The following TENM2 variants were observed in gnomAD, a reference collection of about 807,000 sequenced individuals.
TENM2 encodes the protein teneurin transmembrane protein 2.
TENM2 carries 52 observed loss-of-function variants against 245.2 expected under a neutral mutation model. The observed-to-expected ratio is 0.21, with a 90% CI of 0.17 to 0.27. TENM2 has a LOEUF of 0.27. Ranked by LOEUF, TENM2 falls within the 10% of genes least tolerant of loss-of-function variation. The pLI is 1.00. For missense variants in TENM2, 3,046 were observed against 3,666.8 expected, an observed-to-expected ratio of 0.83 and a Z score of 4.37; for synonymous variants, 1,363 against 1,438.9, an observed-to-expected ratio of 0.95 and a Z score of 1.19.
At chr5:167,943,258 T>G (rs9647570) in intron 3 of TENM2, among the ~76,000 whole-genome samples, 21,006 of 152,206 alleles carry the variant, frequency 0.14, 2,417 homozygotes, top group East Asian at 0.55. Context: ...CTTCGGCCAC[T>G]CTTGGTATTA....
chr5:167,288,558 CAAAAA>C (rs58929279), intron 1 of TENM2, among the ~76,000 whole-genome samples: 1 of 93,680 alleles, frequency 1.1e-5, no homozygotes, highest in Non-Finnish European at 2.5e-5. Context: ...GACTCCGTCT[CAAAAA>C]AAAAAAAAAA....
intron 19 of TENM2, among the ~76,000 whole-genome samples, chr5:168,210,535 C>T (rs917075335): frequency 1.3e-5 from 2 of 151,916 alleles, no homozygotes; most frequent in Non-Finnish European, 2.9e-5. Flanking sequence ...CACCCTGACA[C>T]ACCAGGCTTT....
At chr5:167,238,901 A>G in the TENM2 span, among the ~76,000 whole-genome samples, 2 of 152,206 alleles carry the variant, frequency 1.3e-5, no homozygotes, top group Non-Finnish European at 2.9e-5. Context: ...CTATTTGCTT[A>G]TGAACAGATA....
chr5:167,984,762 T>A (rs902860226), intron 4 of TENM2, among the ~76,000 whole-genome samples: 1 of 152,212 alleles, frequency 6.6e-6, no homozygotes, highest in Non-Finnish European at 1.5e-5. Context: ...GTTTTGCTAC[T>A]CAAGTAGGGC....
At chr5:167,797,181 C>T (rs1765385232) in intron 2 of TENM2, among the ~76,000 whole-genome samples, 1 of 152,170 alleles carries the variant, frequency 6.6e-6, no homozygotes, top group African/African-American at 2.4e-5. Context: ...GAAATATGCA[C>T]TCAATGTTGT....
the TENM2 span, among the ~76,000 whole-genome samples, chr5:167,159,093 T>C: frequency 6.6e-6 from 1 of 151,566 alleles, no homozygotes; most frequent in Non-Finnish European, 1.5e-5. Context: ...GCTGGGATTA[T>C]AGGCAAGCAT....
intron 2 of TENM2, among the ~76,000 whole-genome samples, chr5:167,484,085 G>A (rs559537357): frequency 1.1e-4 from 16 of 152,130 alleles, no homozygotes; most frequent in East Asian, 1.9e-4. Context: ...GGTGGCTCAC[G>A]CCTGTAATCC....
chr5:168,003,073 A>G (rs1446471402), intron 5 of TENM2, among the ~76,000 whole-genome samples: 1 of 152,140 alleles, frequency 6.6e-6, no homozygotes, highest in Non-Finnish European at 1.5e-5. Context: ...TCTGAGTTTC[A>G]TTTTCCCAGG....
At chr5:168,118,426 T>A in exon 10 of TENM2, 1 of 1,610,304 alleles carries the variant, frequency 6.2e-7, no homozygotes, top group Non-Finnish European at 8.5e-7. Context: ...GGGCCACGGC[T>A]CCTGCATTGA....
intron 1 of TENM2, among the ~76,000 whole-genome samples, chr5:167,321,260 A>G (rs2127770874): frequency 6.6e-6 from 1 of 152,182 alleles, no homozygotes. Context: ...TGGCCTGTGT[A>G]TGAAAATAGA....
rs141647180 is a variant in TENM2 at position 167,786,195 on chromosome 5, C to T, written c.503-89791C>T. 2.4e-3 allele frequency among the ~76,000 whole-genome samples: 372 copies of T among 152,278 alleles called. 1 individual carries two copies. Among genetic ancestry groups the T allele is most frequent in the African/African-American group, 8.5e-3 (354 of 41,540 alleles). On this transcript the variant is annotated intron_variant, in intron 2 of 28. Transcript: ENST00000518659. ...AGCCTCTAATGCCTCAGGTACCAAG[C>T]CTCTGCAGAATGCTATTGTTTACAC...
chr5:167,487,836 C>T (rs900676806), intron 2 of TENM2, among the ~76,000 whole-genome samples: 6 of 152,080 alleles, frequency 3.9e-5, no homozygotes, highest in African/African-American at 1.4e-4. Flanking sequence ...CAATCTTTTT[C>T]TTTCTGTATT....
At chr5:167,923,166 A>G (rs926829376) in intron 3 of TENM2, among the ~76,000 whole-genome samples, 6 of 152,150 alleles carry the variant, frequency 3.9e-5, no homozygotes, top group Middle Eastern at 3.2e-3. Flanking sequence ...TCTACTAAAA[A>G]TACAAAAAAT....
chr5:168,107,201 G>A (rs1188726224), intron 9 of TENM2, among the ~76,000 whole-genome samples: 1 of 145,370 alleles, frequency 6.9e-6, no homozygotes, highest in Non-Finnish European at 1.5e-5. Flanking sequence ...AACAATTTCT[G>A]CTCCATTTTT....
chr5:168,066,076 T>C (rs1023228242), intron 7 of TENM2, among the ~76,000 whole-genome samples: 25 of 152,188 alleles, frequency 1.6e-4, no homozygotes, highest in African/African-American at 5.8e-4. Context: ...GAATTAACAT[T>C]AGCTTAAGTG....
chr5:167,926,624 G>A (rs1323514482), intron 3 of TENM2, among the ~76,000 whole-genome samples: 1 of 152,022 alleles, frequency 6.6e-6, no homozygotes, highest in Non-Finnish European at 1.5e-5. Flanking sequence ...GGGACGCTGA[G>A]GCAGGAGAAT....
the TENM2 span, among the ~76,000 whole-genome samples, chr5:167,171,165 G>T: frequency 5.9e-5 from 9 of 151,792 alleles, no homozygotes; most frequent in Admixed American, 2.0e-4. Flanking sequence ...TCCCTGCCTT[G>T]CCTTTGACTC....
the TENM2 span, among the ~76,000 whole-genome samples, chr5:167,045,833 G>A: frequency 6.6e-6 from 1 of 152,164 alleles, no homozygotes; most frequent in Admixed American, 6.5e-5. Flanking sequence ...CTCAGACACT[G>A]AGCTCTGAAC....
At chr5:167,058,583 AC>A in the TENM2 span, among the ~76,000 whole-genome samples, 1 of 152,006 alleles carries the variant, frequency 6.6e-6, no homozygotes, top group Non-Finnish European at 1.5e-5. Flanking sequence ...ACATAGCAAG[AC>A]CCTATCTCTA....
Sources: gnomAD v4.1 joint callset for allele counts (sites outside exome capture counted in the v4.1 genomes callset) on GRCh38, gnomAD v4.1.1 for gene constraint, MANE v1.5 for transcripts, NCBI Gene and HGNC (gene_info 2026-07-23, HGNC 2026-07-21) for gene names.